Variants in GLG1 observed in about 807,000 individuals in gnomAD.
GLG1 encodes the protein golgi glycoprotein 1.
A neutral mutation model predicts 160.5 loss-of-function variants in GLG1; 38 were observed. That is an observed-to-expected ratio of 0.24 (90% CI 0.18 to 0.31). The LOEUF (loss-of-function observed/expected upper bound fraction) is 0.31, where lower values mean the gene tolerates loss of function less well. Among genes scored for constraint, GLG1 ranks in the 10% least tolerant of loss-of-function variants. The pLI is 1.00. For synonymous variants in GLG1, 644 were observed against 543.4 expected (o/e 1.19, Z -2.57); for missense variants, 1,373 against 1,505.2 (o/e 0.91, Z 1.45).
chr16:74,521,628 T>C (rs1452700017), intron 2 of GLG1, among the ~76,000 whole-genome samples: 1 of 151,560 alleles, frequency 6.6e-6, no homozygotes, highest in Non-Finnish European at 1.5e-5. Context: ...AAATCAAGAG[T>C]TTCGTTCTGG....
chr16:74,530,717 T>C (rs1183368146), intron 2 of GLG1, among the ~76,000 whole-genome samples: 3 of 151,974 alleles, frequency 2.0e-5, no homozygotes, highest in African/African-American at 7.3e-5. Flanking sequence ...AGGTCACTGC[T>C]ACCTCGAACT....
chr16:74,551,849 C>G (rs1262665258), intron 1 of GLG1, among the ~76,000 whole-genome samples: 9 of 151,552 alleles, frequency 5.9e-5, no homozygotes, highest in Non-Finnish European at 1.3e-4. Context: ...CCTGCAGATC[C>G]TTAAACGTCT....
chr16:74,532,718 G>A (rs536156032), intron 1 of GLG1, among the ~76,000 whole-genome samples: 1 of 151,986 alleles, frequency 6.6e-6, no homozygotes, highest in South Asian at 2.1e-4. Flanking sequence ...TATAGAGACG[G>A]GGTTTCACTA....
intron 1 of GLG1, among the ~76,000 whole-genome samples, chr16:74,534,882 A>G (rs1251799737): frequency 6.6e-6 from 1 of 152,134 alleles, no homozygotes; most frequent in Non-Finnish European, 1.5e-5. Context: ...CTGTGTGCTT[A>G]GTAATACTGT....
At chr16:74,541,152 T>C (rs2017854232) in intron 1 of GLG1, among the ~76,000 whole-genome samples, 1 of 151,922 alleles carries the variant, frequency 6.6e-6, no homozygotes, top group East Asian at 1.9e-4. Context: ...GGTGAAACCC[T>C]GTCTCTACTA....
At chr16:74,522,050 T>C (rs1407990358) in intron 2 of GLG1, among the ~76,000 whole-genome samples, 1 of 152,236 alleles carries the variant, frequency 6.6e-6, no homozygotes, top group Non-Finnish European at 1.5e-5. Context: ...TCACAGCCCA[T>C]CTAAAATTTA....
chr16:74,602,153 C>A (rs1958453214), intron 1 of GLG1, among the ~76,000 whole-genome samples: 1 of 152,018 alleles, frequency 6.6e-6, no homozygotes, highest in South Asian at 2.1e-4. Context: ...TTATGGTTTG[C>A]AACACTGAAA....
chr16:74,485,959 A>C, intron 8 of GLG1, 42 bp from the exon 9 acceptor site: 2 of 1,556,768 alleles, frequency 1.3e-6, no homozygotes, highest in Non-Finnish European at 1.8e-6. Context: ...AAAGTCACTT[A>C]GGTGCTAGGT....
In GLG1 at chr16:74,447,452, C is replaced by G. The variant is rs186176904; in HGVS notation, c.*5715G>C. ...TTTAACAAGTAAAAACCTGCAAACT[C>G]TTTATTAAATTCTCCCATTTCATCT... On this transcript the variant is annotated 3_prime_UTR_variant, in exon 26 of 26. Coordinates refer to ENST00000422840, the MANE Select transcript of GLG1 (RefSeq NM_001145667.2). The G allele has an allele frequency of 2.0e-5, 3 of 152,250 alleles. No homozygotes were observed. Among genetic ancestry groups the G allele is most frequent in the Non-Finnish European group, 4.4e-5 (3 of 68,028 alleles). 9.4% of individuals were successfully genotyped at this position (152,250 alleles called of 1,614,324 possible).
chr16:74,520,724 C>T (rs2017136912), intron 2 of GLG1, among the ~76,000 whole-genome samples: 1 of 152,178 alleles, frequency 6.6e-6, no homozygotes, highest in African/African-American at 2.4e-5. Flanking sequence ...ATTACTTTGA[C>T]TGGATATCAT....
intron 1 of GLG1, among the ~76,000 whole-genome samples, chr16:74,570,991 T>TTA (rs1487751942): frequency 1.3e-5 from 2 of 152,070 alleles, no homozygotes; most frequent in African/African-American, 4.8e-5. Flanking sequence ...ACTTGGCACT[T>TTA]TAACCTTTTG....
At chr16:74,541,291 T>G (rs938447305) in intron 1 of GLG1, among the ~76,000 whole-genome samples, 12 of 126,616 alleles carry the variant, frequency 9.5e-5, no homozygotes, top group South Asian at 2.5e-4. Context: ...ACCACCACAC[T>G]CCAGCCTAGG....
chr16:74,602,953 G>C (rs897864285), intron 1 of GLG1, among the ~76,000 whole-genome samples: 1 of 151,984 alleles, frequency 6.6e-6, no homozygotes, highest in Non-Finnish European at 1.5e-5. Flanking sequence ...CTAAGGTGAG[G>C]AGTTCAAGAC....
intron 4 of GLG1, among the ~76,000 whole-genome samples, chr16:74,497,992 C>T (rs1312631154): frequency 6.6e-6 from 1 of 152,148 alleles, no homozygotes; most frequent in East Asian, 1.9e-4. Flanking sequence ...TCATCATCCC[C>T]ATAGCAACCA....
intron 2 of GLG1, among the ~76,000 whole-genome samples, chr16:74,511,967 C>T (rs2016822014): frequency 6.6e-6 from 1 of 151,782 alleles, no homozygotes. Context: ...AATTCATATA[C>T]CATAAAATTT....
Position 74,449,908 on chromosome 16 carries a change from G to A in GLG1, c.*3259C>T, listed in dbSNP as rs906942616. The A allele has an allele frequency of 2.0e-5, 3 of 152,300 alleles. No individual in the cohort carries two copies. The highest frequency in any genetic ancestry group is 2.9e-5 in the Non-Finnish European group (2 of 68,088). 9.4% of individuals were successfully genotyped at this position (152,300 alleles called of 1,614,324 possible). A position where few individuals can be genotyped will look rare whatever the true frequency, so the allele number is the denominator to read the frequency against. Reference sequence around the variant, plus strand: ...ATGGAAGTCCAACATGCACCCAGGTGAAGGCCTCACAGAGCTCCCCATCTG... The same window carrying A: ...ATGGAAGTCCAACATGCACCCAGGTAAAGGCCTCACAGAGCTCCCCATCTG... On this transcript the variant is annotated 3_prime_UTR_variant, in exon 26 of 26. Transcript: ENST00000422840.
chr16:74,513,694 G>C (rs936942497), intron 2 of GLG1, among the ~76,000 whole-genome samples: 2 of 152,128 alleles, frequency 1.3e-5, no homozygotes, highest in Non-Finnish European at 2.9e-5. Context: ...AGAAACCAGA[G>C]CAGAAAGGCT....
intron 1 of GLG1, among the ~76,000 whole-genome samples, chr16:74,581,948 G>T (rs1296723853): frequency 2.0e-5 from 3 of 151,998 alleles, no homozygotes; most frequent in South Asian, 2.1e-4. Flanking sequence ...CAAATTCAAA[G>T]TACAAATCAT....
intron 1 of GLG1, among the ~76,000 whole-genome samples, chr16:74,576,309 T>G (rs1464697012): frequency 6.6e-6 from 1 of 152,210 alleles, no homozygotes; most frequent in Non-Finnish European, 1.5e-5. Flanking sequence ...TCCGTGAATT[T>G]CTATAAAAAT....
Sources: allele counts gnomAD v4.1 joint callset (sites outside exome capture counted in the v4.1 genomes callset), GRCh38; gene constraint gnomAD v4.1.1; transcripts MANE v1.5; gene names NCBI Gene and HGNC (gene_info 2026-07-23, HGNC 2026-07-21).